NEO1: variants seen among roughly 807,000 people sequenced by gnomAD.
The protein encoded by NEO1 is neogenin.
A neutral mutation model predicts 159.7 loss-of-function variants in NEO1; 63 were observed. The observed-to-expected ratio is 0.39, with a 90% CI of 0.32 to 0.49. NEO1 has a LOEUF of 0.49. Among genes scored for constraint, NEO1 ranks in the 20% least tolerant of loss-of-function variants. NEO1 has a pLI of 0.85. For missense variants in NEO1, 1,615 were observed against 1,831.0 expected, an observed-to-expected ratio of 0.88 and a Z score of 2.15; for synonymous variants, 633 against 662.0, an observed-to-expected ratio of 0.96 and a Z score of 0.67.
At chr15:73,063,597 T>G (rs2068072196) in intron 1 of NEO1, among the ~76,000 whole-genome samples, 1 of 151,432 alleles carries the variant, frequency 6.6e-6, no homozygotes, top group Non-Finnish European at 1.5e-5. Context: ...TTTGAAGCCG[T>G]AAGTAGGGTT....
At chr15:73,097,695 T>A (rs1281498678) in intron 1 of NEO1, among the ~76,000 whole-genome samples, 1 of 151,514 alleles carries the variant, frequency 6.6e-6, no homozygotes, top group Non-Finnish European at 1.5e-5. Context: ...ATGACCTTAG[T>A]GGCCATTGAT....
At chr15:73,186,000 A>G (rs989845860) in intron 7 of NEO1, among the ~76,000 whole-genome samples, 3 of 152,094 alleles carry the variant, frequency 2.0e-5, no homozygotes, top group African/African-American at 4.8e-5. Context: ...ACTAAATACC[A>G]TGATGATGAT....
At chr15:73,293,268 A>C (rs765290314) in intron 25 of NEO1, 122 bp from the exon 26 acceptor site, 78 of 1,233,370 alleles carry the variant, frequency 6.3e-5, no homozygotes, top group Non-Finnish European at 8.4e-5. Flanking sequence ...TGCCACCAAA[A>C]AACCAAGGGA....
chr15:73,281,559 A>C (rs1038431929), intron 22 of NEO1, among the ~76,000 whole-genome samples: 2 of 152,136 alleles, frequency 1.3e-5, no homozygotes, highest in Admixed American at 6.5e-5. Flanking sequence ...CCAAGCCAAG[A>C]GATTTTTTTT....
chr15:73,154,134 A>G (rs1876453774), intron 5 of NEO1, among the ~76,000 whole-genome samples: 1 of 152,150 alleles, frequency 6.6e-6, no homozygotes, highest in Non-Finnish European at 1.5e-5. Flanking sequence ...TGATTTCCCT[A>G]AGATTACAAA....
chr15:73,122,077 ATATATATATATATATATACACAT>A (rs1567241517), intron 2 of NEO1, among the ~76,000 whole-genome samples: 25 of 124,886 alleles, frequency 2.0e-4, no homozygotes, highest in Middle Eastern at 3.8e-3. Flanking sequence ...ATATATATAT[ATATATATATATATATATACACAT>A]TATATATATT....
intron 1 of NEO1, among the ~76,000 whole-genome samples, chr15:73,091,789 G>A (rs2069708521): frequency 6.8e-6 from 1 of 146,154 alleles, no homozygotes; most frequent in Non-Finnish European, 1.5e-5. Context: ...AGGATATTGT[G>A]GGAAAGACTG....
intron 7 of NEO1, among the ~76,000 whole-genome samples, chr15:73,224,431 C>T (rs2038460655): frequency 6.6e-6 from 1 of 152,136 alleles, no homozygotes; most frequent in African/African-American, 2.4e-5. Flanking sequence ...TCTCTTCTTC[C>T]TCAGGAACAC....
chr15:73,079,035 A>C (rs1244691902), intron 1 of NEO1, among the ~76,000 whole-genome samples: 1 of 152,204 alleles, frequency 6.6e-6, no homozygotes, highest in African/African-American at 2.4e-5. Context: ...CCCTTTGTTT[A>C]GTCAGACTAC....
chr15:73,156,208 G>A (rs117453436), intron 5 of NEO1, among the ~76,000 whole-genome samples: 3 of 152,194 alleles, frequency 2.0e-5, no homozygotes, highest in Non-Finnish European at 4.4e-5. Flanking sequence ...AGGATTCTGT[G>A]TGATTTCCTT....
chr15:73,115,432 C>G (rs2071252986), intron 1 of NEO1, among the ~76,000 whole-genome samples: 3 of 152,148 alleles, frequency 2.0e-5, no homozygotes, highest in Admixed American at 2.0e-4. Context: ...TATTGGAAAA[C>G]TTTTAAAACA....
At chr15:73,096,597 T>A (rs900146573) in intron 1 of NEO1, among the ~76,000 whole-genome samples, 1 of 152,204 alleles carries the variant, frequency 6.6e-6, no homozygotes, top group Non-Finnish European at 1.5e-5. Context: ...TATATGAGAA[T>A]GTTTTGAGAA....
intron 1 of NEO1, among the ~76,000 whole-genome samples, chr15:73,090,146 T>C (rs1408957481): frequency 6.6e-6 from 1 of 152,232 alleles, no homozygotes; most frequent in Non-Finnish European, 1.5e-5. Context: ...TACATTGTTA[T>C]GTGAGAGAAA....
chr15:73,142,105 A>G (rs1019834531), intron 5 of NEO1, among the ~76,000 whole-genome samples: 3 of 151,822 alleles, frequency 2.0e-5, no homozygotes, highest in African/African-American at 7.3e-5. Context: ...TTTTTTTAGA[A>G]GAGCCAGCAT....
At chr15:73,150,224 G>A (rs2033263086) in intron 5 of NEO1, among the ~76,000 whole-genome samples, 1 of 152,182 alleles carries the variant, frequency 6.6e-6, no homozygotes, top group Admixed American at 6.5e-5. Flanking sequence ...AGATCCTGCT[G>A]TCTGCCATCC....
chr15:73,266,931 A>C (rs2040928551), intron 16 of NEO1, among the ~76,000 whole-genome samples: 1 of 152,196 alleles, frequency 6.6e-6, no homozygotes. Flanking sequence ...ACGAGACCAA[A>C]TATTCATTGT....
At chr15:73,166,770 A>G (rs1381388849) in intron 5 of NEO1, among the ~76,000 whole-genome samples, 4 of 152,154 alleles carry the variant, frequency 2.6e-5, no homozygotes, top group African/African-American at 9.7e-5. Context: ...CCTCAGGAAG[A>G]ACTTTAGGAC....
intron 5 of NEO1, among the ~76,000 whole-genome samples, chr15:73,172,131 C>A (rs547872641): frequency 8.1e-4 from 123 of 152,120 alleles, no homozygotes; most frequent in Middle Eastern, 6.8e-3. Context: ...TCAGTATTGA[C>A]CATGACTTGA....
chr15:73,220,359 C>T (rs2038165887), intron 7 of NEO1, among the ~76,000 whole-genome samples: 1 of 152,136 alleles, frequency 6.6e-6, no homozygotes, highest in South Asian at 2.1e-4. Context: ...CTGCCCTTAA[C>T]ATTTTTTCCT....
Sources: gnomAD v4.1 joint callset for allele counts (sites outside exome capture counted in the v4.1 genomes callset) on GRCh38, gnomAD v4.1.1 for gene constraint, MANE v1.5 for transcripts, NCBI Gene and HGNC (gene_info 2026-07-23, HGNC 2026-07-21) for gene names.